INPP4B: variants seen among roughly 807,000 people sequenced by gnomAD.
INPP4B encodes inositol polyphosphate-4-phosphatase type II B, also known as inositol polyphosphate 4-phosphatase type II.
A neutral mutation model predicts 122.5 loss-of-function variants in INPP4B; 55 were observed. That is an observed-to-expected ratio of 0.45 (90% CI 0.36 to 0.56). INPP4B has a LOEUF of 0.56. INPP4B is among the 20% of genes least tolerant of loss of function. INPP4B has a pLI of 0.00. For synonymous variants in INPP4B, 403 were observed against 388.7 expected, an observed-to-expected ratio of 1.04 and a Z score of -0.43; for missense variants, 1,000 against 1,097.7, an observed-to-expected ratio of 0.91 and a Z score of 1.26.
intron 15 of INPP4B, among the ~76,000 whole-genome samples, chr4:142,177,658 G>A (rs539736955): frequency 1.3e-5 from 2 of 151,570 alleles, no homozygotes; most frequent in South Asian, 2.1e-4. Context: ...ATTTAAATAC[G>A]GTAATTTAAT....
At chr4:142,277,488 T>C (rs141657320) in intron 9 of INPP4B, among the ~76,000 whole-genome samples, 2 of 151,980 alleles carry the variant, frequency 1.3e-5, no homozygotes, top group East Asian at 3.9e-4. Flanking sequence ...TAGAAAGAAC[T>C]AAAAGTAGAT....
intron 2 of INPP4B, among the ~76,000 whole-genome samples, chr4:142,673,955 G>T (rs74414840): frequency 0.025 from 3,835 of 152,174 alleles, 62 homozygotes; most frequent in Middle Eastern, 0.092. Context: ...AGCAGTGTTG[G>T]CTGCTAATAG....
At chr4:142,625,520 G>A (rs1394296801) in intron 2 of INPP4B, among the ~76,000 whole-genome samples, 6 of 151,958 alleles carry the variant, frequency 3.9e-5, no homozygotes, top group Admixed American at 6.6e-5. Flanking sequence ...ATGCTCATGG[G>A]TAGGAAGAAT....
chr4:142,509,984 T>C (rs1187044437), intron 2 of INPP4B, among the ~76,000 whole-genome samples: 4 of 152,192 alleles, frequency 2.6e-5, no homozygotes, highest in Non-Finnish European at 5.9e-5. Context: ...TGGCATCTAA[T>C]TAAGTCTAGG....
At chr4:142,169,977 G>A (rs336387) in intron 16 of INPP4B, among the ~76,000 whole-genome samples, 150,891 of 151,830 alleles carry the variant, frequency 0.99, 74,984 homozygotes, top group Middle Eastern at 1. Context: ...AGAGATACGT[G>A]AACACTGTCC....
At chr4:142,471,255 A>G (rs1001651966) in intron 2 of INPP4B, among the ~76,000 whole-genome samples, 21 of 152,188 alleles carry the variant, frequency 1.4e-4, no homozygotes, top group African/African-American at 5.1e-4. Flanking sequence ...AGCTATACCT[A>G]TCTCACAGTA....
chr4:142,654,240 A>T (rs1260194392), intron 2 of INPP4B, among the ~76,000 whole-genome samples: 1 of 152,020 alleles, frequency 6.6e-6, no homozygotes, highest in Non-Finnish European at 1.5e-5. Flanking sequence ...GGGCTCGGGA[A>T]GGGATAGAAT....
intron 9 of INPP4B, among the ~76,000 whole-genome samples, chr4:142,282,002 TGTAAC>T (rs1187110173): frequency 1.3e-5 from 2 of 152,096 alleles, no homozygotes; most frequent in African/African-American, 4.8e-5. Flanking sequence ...TGCACAATAA[TGTAAC>T]AGAACAAAAT....
At chr4:142,690,143 A>G (rs967776564) in intron 2 of INPP4B, among the ~76,000 whole-genome samples, 3 of 152,196 alleles carry the variant, frequency 2.0e-5, no homozygotes, top group African/African-American at 7.2e-5. Context: ...TCTGATTCTT[A>G]GCATCCTTTT....
At chr4:142,337,630 T>C (rs1298825483) in intron 7 of INPP4B, among the ~76,000 whole-genome samples, 1 of 146,922 alleles carries the variant, frequency 6.8e-6, no homozygotes, top group African/African-American at 2.5e-5. Context: ...TTTTTTTTCC[T>C]ATAGTTATTT....
At position 142,410,308 on chromosome 4, in the gene INPP4B, T is replaced by C. The variant is rs150347975; in HGVS notation, c.137-4984A>G. Reference sequence around the variant, plus strand: ...GTGGTGGTGTGAACCACTGAGGCACTGTGAATTGGTGGTCAACCCCAAGTG... The same window carrying C: ...GTGGTGGTGTGAACCACTGAGGCACCGTGAATTGGTGGTCAACCCCAAGTG... On this transcript the variant is annotated intron_variant, in intron 5 of 25. Transcript: ENST00000262992. 5.2e-3 allele frequency among the ~76,000 whole-genome samples: 788 copies of C among 152,358 alleles called. 6 individuals carry two copies. The highest frequency in any genetic ancestry group is 0.018 in the African/African-American group (749 of 41,584).
chr4:142,723,614 C>T (rs1055846894), intron 2 of INPP4B, among the ~76,000 whole-genome samples: 4 of 152,048 alleles, frequency 2.6e-5, no homozygotes, highest in African/African-American at 7.2e-5. Context: ...ATAAAAGTGT[C>T]GGTTAATCCA....
intron 2 of INPP4B, among the ~76,000 whole-genome samples, chr4:142,613,486 T>A (rs1743013429): frequency 6.6e-6 from 1 of 152,202 alleles, no homozygotes; most frequent in Admixed American, 6.5e-5. Context: ...GTTACCATCA[T>A]ACATACACTG....
At position 142,037,193 on chromosome 4, in the gene INPP4B, G is replaced by A. The variant is rs377576338; in HGVS notation, c.2643-8279C>T. On this transcript the variant is annotated intron_variant, in intron 25 of 25. Transcript: ENST00000262992. The stretch of plus-strand genomic sequence containing the variant: ...TTTTTTATTTATTTATTTAAGACCC[G>A]TCAAAGCAGTCACTTAAAATAGAAA... Among the ~76,000 whole-genome samples the A allele has an allele frequency of 4.6e-4, 70 of 152,148 alleles. 1 individual carries two copies. In the South Asian group the frequency reaches 0.011, roughly 24 times the overall value.
intron 2 of INPP4B, among the ~76,000 whole-genome samples, chr4:142,683,596 C>G (rs1444456702): frequency 6.6e-6 from 1 of 150,894 alleles, no homozygotes; most frequent in Non-Finnish European, 1.5e-5. Flanking sequence ...TATTATGTAT[C>G]TTGCATAGGT....
intron 2 of INPP4B, among the ~76,000 whole-genome samples, chr4:142,593,901 C>T (rs1738099442): frequency 6.6e-6 from 1 of 151,940 alleles, no homozygotes; most frequent in Admixed American, 6.6e-5. Flanking sequence ...CGCACAGGAT[C>T]ACACTTTAAA....
At chr4:142,318,336 T>C (rs967693265) in intron 7 of INPP4B, among the ~76,000 whole-genome samples, 1 of 151,948 alleles carries the variant, frequency 6.6e-6, no homozygotes, top group Non-Finnish European at 1.5e-5. Flanking sequence ...AGGAGGAATA[T>C]GTCACTAAAA....
chr4:142,344,072 G>T (rs68057722), intron 7 of INPP4B, among the ~76,000 whole-genome samples: 6 of 151,800 alleles, frequency 4.0e-5, no homozygotes, highest in African/African-American at 1.5e-4. Flanking sequence ...TTTTAATATT[G>T]AATGTGTTTT....
At chr4:142,687,233 T>G (rs1759476187) in intron 2 of INPP4B, among the ~76,000 whole-genome samples, 1 of 152,060 alleles carries the variant, frequency 6.6e-6, no homozygotes, top group African/African-American at 2.4e-5. Flanking sequence ...ACCTGAGGAC[T>G]CATAAACTTA....
Sources: gnomAD v4.1 joint callset for allele counts (sites outside exome capture counted in the v4.1 genomes callset) on GRCh38, gnomAD v4.1.1 for gene constraint, MANE v1.5 for transcripts, NCBI Gene and HGNC (gene_info 2026-07-23, HGNC 2026-07-21) for gene names.